SLC8A3: variants seen among roughly 807,000 people sequenced by gnomAD.
The protein encoded by SLC8A3 is solute carrier family 8 member A3.
SLC8A3 carries 37 observed loss-of-function variants against 65.4 expected under a neutral mutation model. The ratio of observed to expected loss-of-function variants is 0.57; its 90% CI spans 0.44 to 0.74. SLC8A3 has a LOEUF of 0.74. SLC8A3 is among the 30% of genes least tolerant of loss of function. The pLI is 0.00. For synonymous variants in SLC8A3, 461 were observed against 444.5 expected (o/e 1.04, Z -0.47); for missense variants, 1,112 against 1,172.1 (o/e 0.95, Z 0.75).
At chr14:70,126,564 TCTCTCTCA>T (rs1211302823) in intron 2 of SLC8A3, among the ~76,000 whole-genome samples, 2 of 105,512 alleles carry the variant, frequency 1.9e-5, no homozygotes, top group African/African-American at 7.4e-5. Flanking sequence ...TCTCTCTCTC[TCTCTCTCA>T]CACACACACA....
intron 2 of SLC8A3, among the ~76,000 whole-genome samples, chr14:70,062,664 C>T (rs576530191): frequency 2.6e-5 from 4 of 152,178 alleles, no homozygotes; most frequent in Non-Finnish European, 4.4e-5. Flanking sequence ...AAGTGATGCA[C>T]GACTGTACAT....
In SLC8A3 at chr14:70,046,206, A is replaced by G; in HGVS notation, c.2507T>C (p.Val836Ala). ...VFLGIGLAWS[V>A]AAIYWALQGQ... ...CTGCAGAGCCCAGTAGATGGCGGCC[A>G]CGGACCAGGCCAGGCCGATGCCCAG... is the stretch of plus-strand genomic sequence containing the variant. Residue 836 changes from valine (V) to alanine (A), a missense_variant, in exon 7 of 7, where the codon GTG becomes GCG. Physicochemically the swap from Val to Ala is moderately conservative, Grantham distance 64. Coordinates refer to ENST00000356921, the MANE Select transcript of SLC8A3 (RefSeq NM_182932.3). The surrounding 1 kb of genome is among the most constrained non-coding windows in gnomAD (Gnocchi z 4.2). 1 of 1,614,242 alleles carries G rather than the reference A, an allele frequency of 6.2e-7. No individual in the cohort carries two copies. The highest frequency in any genetic ancestry group is 8.5e-7 in the Non-Finnish European group (1 of 1,180,034).
At chr14:70,183,656 T>C (rs1357309021) in intron 1 of SLC8A3, among the ~76,000 whole-genome samples, 2 of 152,170 alleles carry the variant, frequency 1.3e-5, no homozygotes, top group African/African-American at 2.4e-5. Context: ...AGAAAATTAG[T>C]TAAACTTTTT....
chr14:70,095,841 C>T (rs533365133), intron 2 of SLC8A3, among the ~76,000 whole-genome samples: 81 of 150,870 alleles, frequency 5.4e-4, no homozygotes, highest in African/African-American at 1.9e-3. Context: ...CCTGTTAAGG[C>T]CTGTTTGCCC....
intron 2 of SLC8A3, among the ~76,000 whole-genome samples, chr14:70,082,614 TA>T (rs1891133027): frequency 1.3e-5 from 2 of 152,200 alleles, no homozygotes; most frequent in East Asian, 3.9e-4. Flanking sequence ...AGTTTGTAGC[TA>T]CCACGTGGCA....
intron 2 of SLC8A3, among the ~76,000 whole-genome samples, chr14:70,131,020 G>A (rs1894792472): frequency 6.6e-6 from 1 of 152,184 alleles, no homozygotes; most frequent in South Asian, 2.1e-4. Flanking sequence ...AAGAAAGCAG[G>A]GGACAAGGAC....
intron 2 of SLC8A3, among the ~76,000 whole-genome samples, chr14:70,128,207 G>A (rs867578879): frequency 4.6e-5 from 7 of 152,262 alleles, no homozygotes; most frequent in Middle Eastern, 3.4e-3. Flanking sequence ...TCCAAATCTA[G>A]TTATCATCAT....
At chr14:70,183,273 A>G (rs61978211) in intron 1 of SLC8A3, among the ~76,000 whole-genome samples, 12,069 of 152,248 alleles carry the variant, frequency 0.079, 551 homozygotes, top group African/African-American at 0.09. Context: ...TCTTCTTATT[A>G]GATATGATTC....
At chr14:70,137,758 G>A (rs1720168996) in intron 2 of SLC8A3, among the ~76,000 whole-genome samples, 1 of 146,314 alleles carries the variant, frequency 6.8e-6, no homozygotes, top group Non-Finnish European at 1.5e-5. Context: ...CAACTCAACA[G>A]CCTCTCTGAT....
chr14:70,044,324 T>C lies in SLC8A3; in HGVS notation c.*1623A>G, dbSNP rs1886504760. ...GACATGAGCACTGTTTCTTTTTTAA[T>C]TATTTTTTTCTTAAAAAATGTGTTT... is the stretch of plus-strand genomic sequence containing the variant. On this transcript the variant is annotated 3_prime_UTR_variant, in exon 7 of 7. Coordinates refer to ENST00000356921, the MANE Select transcript of SLC8A3 (RefSeq NM_182932.3). 6.6e-6 allele frequency: 1 copy of C among 152,192 alleles called. No individual in the cohort carries two copies. The highest frequency in any genetic ancestry group is 2.1e-4 in the South Asian group (1 of 4,828). 9.4% of individuals were successfully genotyped at this position (152,192 alleles called of 1,614,324 possible).
chr14:70,107,338 T>G (rs1391184080), intron 2 of SLC8A3, among the ~76,000 whole-genome samples: 1 of 152,128 alleles, frequency 6.6e-6, no homozygotes, highest in African/African-American at 2.4e-5. Context: ...GCTGATACTT[T>G]TTATCAGAAT....
chr14:70,172,625 T>C (rs971242963), intron 1 of SLC8A3, among the ~76,000 whole-genome samples: 8 of 151,700 alleles, frequency 5.3e-5, no homozygotes, highest in Non-Finnish European at 1.2e-4. Flanking sequence ...TTGACAAACA[T>C]TGACAAAAGC....
intron 2 of SLC8A3, among the ~76,000 whole-genome samples, chr14:70,123,506 A>G (rs1894224491): frequency 6.7e-6 from 1 of 150,078 alleles, no homozygotes; most frequent in East Asian, 2.0e-4. Context: ...CTGGAGTGCA[A>G]TGGTGCAATC....
chr14:70,057,848 G>T (rs977142631), intron 3 of SLC8A3, among the ~76,000 whole-genome samples: 1 of 152,136 alleles, frequency 6.6e-6, no homozygotes, highest in Non-Finnish European at 1.5e-5. Context: ...ATGAGCCCAC[G>T]GTTGTCGAAA....
rs1887122417 is a variant in SLC8A3 at position 70,048,929 on chromosome 14, T to TG, written c.2226dup (p.Thr743HisfsTer192). 6.2e-7 allele frequency: 1 copy of TG among 1,614,080 alleles called. No individual in the cohort carries two copies. The highest frequency in any genetic ancestry group is 8.5e-7 in the Non-Finnish European group (1 of 1,180,018). Reference sequence around the variant, plus strand: ...CAGGCCCAGCCGTGGCAGTACTCTGTGGGGGGCACACAGGCAAACAGCACC... The same window carrying TG: ...CAGGCCCAGCCGTGGCAGTACTCTGTGGGGGGGCACACAGGCAAACAGCACC... On this transcript the variant is annotated frameshift_variant, in exon 6 of 7. Transcript: ENST00000356921. LOFTEE classifies it high-confidence loss of function.
intron 2 of SLC8A3, among the ~76,000 whole-genome samples, chr14:70,064,830 G>A (rs1889234371): frequency 1.3e-5 from 2 of 152,154 alleles, no homozygotes; most frequent in Admixed American, 6.5e-5. Flanking sequence ...TAGTCACCCT[G>A]TTCTGCATTT....
intron 2 of SLC8A3, among the ~76,000 whole-genome samples, chr14:70,067,414 G>C (rs1889551454): frequency 6.6e-6 from 1 of 152,148 alleles, no homozygotes; most frequent in Admixed American, 6.5e-5. Context: ...TCTCCAGGCA[G>C]TCTCCAATTC....
At chr14:70,071,513 T>G (rs1890012329) in intron 2 of SLC8A3, among the ~76,000 whole-genome samples, 1 of 152,146 alleles carries the variant, frequency 6.6e-6, no homozygotes, top group South Asian at 2.1e-4. Flanking sequence ...CAAAGAGTGG[T>G]CCCTGGATGA....
At position 70,048,850 on chromosome 14, in the gene SLC8A3, A is replaced by G; in HGVS notation, c.2306T>C (p.Leu769Pro). 1.9e-6 allele frequency: 3 copies of G among 1,614,150 alleles called. No homozygotes were observed. The highest frequency in any genetic ancestry group is 2.5e-6 in the Non-Finnish European group (3 of 1,180,020). Residue 769 changes from leucine (L) to proline (P), a missense_variant, in exon 6 of 7, where the codon CTG becomes CCG. Transcript: ENST00000356921. ...AATGGTGCAGCCGAAGTGCGAGGCCAGGTCCCCAATGATGGCGGTGAGCAT... is the reference window on the plus strand; with the variant it reads ...AATGGTGCAGCCGAAGTGCGAGGCCGGGTCCCCAATGATGGCGGTGAGCAT... ...IGMLTAIIGD[L>P]ASHFGCTIGL...
Sources: gnomAD v4.1 joint callset for allele counts (sites outside exome capture counted in the v4.1 genomes callset) on GRCh38, gnomAD v4.1.1 for gene constraint, Gnocchi (gnomAD v3.1) non-coding constraint, MANE v1.5 for transcripts, NCBI Gene and HGNC (gene_info 2026-07-23, HGNC 2026-07-21) for gene names.